Variants in SNTG1 observed in about 807,000 individuals in gnomAD.
SNTG1 encodes the protein gamma-1-syntrophin.
A neutral mutation model predicts 74.7 loss-of-function variants in SNTG1; 39 were observed. The ratio of observed to expected loss-of-function variants is 0.52; its 90% CI spans 0.40 to 0.68. SNTG1 has a LOEUF of 0.68. Among genes scored for constraint, SNTG1 ranks in the 30% least tolerant of loss-of-function variants. The probability of loss-of-function intolerance (pLI) is 0.00; values close to 1 mark genes in which losing one functional copy is unlikely to be tolerated. For synonymous variants in SNTG1, 254 were observed against 217.1 expected (o/e 1.17, Z -1.49); for missense variants, 685 against 609.5 (o/e 1.12, Z -1.30).
upstream of SNTG1, chr8:49,911,257 T>A (rs1451983201): frequency 6.6e-6 from 1 of 152,144 alleles, no homozygotes; most frequent in Non-Finnish European, 1.5e-5. Flanking sequence ...TTCCTTTTCA[T>A]CTTATGTAAT....
intron 2 of SNTG1, among the ~76,000 whole-genome samples, chr8:50,288,375 A>G (rs1159801577): frequency 1.3e-5 from 2 of 152,236 alleles, no homozygotes; most frequent in African/African-American, 4.8e-5. Flanking sequence ...ACGTTGATTT[A>G]CTGGTCTAAT....
chr8:50,052,834 A>G (rs1819690135), intron 1 of SNTG1, among the ~76,000 whole-genome samples: 1 of 152,144 alleles, frequency 6.6e-6, no homozygotes, highest in Admixed American at 6.6e-5. Context: ...ATTAATCATC[A>G]TTGAAATTAA....
intron 17 of SNTG1, 100 bp downstream of exon 17, chr8:50,709,078 C>A (rs564139984): frequency 1.2e-5 from 10 of 857,012 alleles, no homozygotes; most frequent in East Asian, 2.6e-5. Context: ...TAATTGTAAT[C>A]GTGTCAAATT....
intron 1 of SNTG1, among the ~76,000 whole-genome samples, chr8:50,077,922 T>C (rs1402226386): frequency 2.0e-5 from 3 of 152,312 alleles, no homozygotes; most frequent in East Asian, 3.9e-4. Context: ...TTGGTATTTT[T>C]ATGGTGTGAA....
intron 2 of SNTG1, among the ~76,000 whole-genome samples, chr8:50,184,527 G>T (rs2083315386): frequency 6.6e-6 from 1 of 152,168 alleles, no homozygotes; most frequent in Non-Finnish European, 1.5e-5. Context: ...GCTTCAGCCT[G>T]AAATGTCTGT....
chr8:50,337,176 C>A, intron 2 of SNTG1, among the ~76,000 whole-genome samples: 1 of 152,156 alleles, frequency 6.6e-6, no homozygotes, highest in East Asian at 1.9e-4. Context: ...AACAAGTGAA[C>A]AAACTGTATA....
At chr8:50,448,051 G>A (rs2093422149) in intron 5 of SNTG1, among the ~76,000 whole-genome samples, 1 of 152,074 alleles carries the variant, frequency 6.6e-6, no homozygotes, top group Non-Finnish European at 1.5e-5. Context: ...CAGGTCAGAG[G>A]CAGGGTCATC....
chr8:50,645,121 G>C (rs2095099539), intron 13 of SNTG1, among the ~76,000 whole-genome samples: 1 of 59,548 alleles, frequency 1.7e-5, no homozygotes, highest in South Asian at 4.6e-4. Context: ...TCAGAAAAAT[G>C]TTCTTTTTAA....
chr8:50,457,973 T>C (rs1222085000), intron 8 of SNTG1: 4 of 152,202 alleles, frequency 2.6e-5, no homozygotes, highest in Non-Finnish European at 2.9e-5. Flanking sequence ...TCTTTTTTAG[T>C]GAAATTGATC....
At chr8:50,720,470 C>A (rs907244930) in intron 17 of SNTG1, among the ~76,000 whole-genome samples, 1 of 152,104 alleles carries the variant, frequency 6.6e-6, no homozygotes, top group African/African-American at 2.4e-5. Flanking sequence ...AGTATAACAA[C>A]AGATGCAGTC....
intron 15 of SNTG1, among the ~76,000 whole-genome samples, chr8:50,665,010 T>C (rs1413710520): frequency 6.6e-6 from 1 of 152,198 alleles, no homozygotes; most frequent in East Asian, 1.9e-4. Flanking sequence ...AACAAGTCTT[T>C]GGATGACAGA....
At chr8:50,065,427 C>T (rs1441748073) in intron 1 of SNTG1, among the ~76,000 whole-genome samples, 4 of 152,012 alleles carry the variant, frequency 2.6e-5, no homozygotes, top group South Asian at 2.1e-4. Context: ...TAAATAAAAT[C>T]GCATTTTAAT....
intron 1 of SNTG1, among the ~76,000 whole-genome samples, chr8:50,138,499 C>A (rs2081549996): frequency 6.6e-6 from 1 of 151,630 alleles, no homozygotes; most frequent in Non-Finnish European, 1.5e-5. Flanking sequence ...GTGGCACACC[C>A]CTGTAATCCC....
chr8:49,936,985 G>C (rs1808140861), intron 1 of SNTG1, among the ~76,000 whole-genome samples: 1 of 151,970 alleles, frequency 6.6e-6, no homozygotes, highest in Non-Finnish European at 1.5e-5. Context: ...CCCGTCTGTA[G>C]TAAAAATACA....
chr8:50,746,418 A>G (rs1265125373), intron 17 of SNTG1, among the ~76,000 whole-genome samples: 1 of 151,984 alleles, frequency 6.6e-6, no homozygotes, highest in Non-Finnish European at 1.5e-5. Context: ...TTTTTGATTC[A>G]AAGAAAATCT....
At chr8:50,258,318 C>G (rs1239723717) in intron 2 of SNTG1, among the ~76,000 whole-genome samples, 1 of 152,184 alleles carries the variant, frequency 6.6e-6, no homozygotes, top group Non-Finnish European at 1.5e-5. Context: ...CTGAAATATG[C>G]TATTTTAATG....
chr8:50,501,623 T>A (rs1197521622), intron 8 of SNTG1, among the ~76,000 whole-genome samples: 27 of 150,162 alleles, frequency 1.8e-4, no homozygotes, highest in Non-Finnish European at 3.3e-4. Context: ...TTTTTTTTTT[T>A]TTTTTTGTAT....
chr8:50,137,169 A>C (rs1293339907), intron 1 of SNTG1, among the ~76,000 whole-genome samples: 1 of 152,196 alleles, frequency 6.6e-6, no homozygotes, highest in Non-Finnish European at 1.5e-5. Context: ...ACATCCTCCC[A>C]TGCAGTGTGA....
At chr8:50,535,146 A>C (rs1219877888) in intron 10 of SNTG1, among the ~76,000 whole-genome samples, 2 of 152,132 alleles carry the variant, frequency 1.3e-5, no homozygotes, top group African/African-American at 2.4e-5. Flanking sequence ...GATTATAAGA[A>C]ATTTTTTATT....
Sources: gnomAD v4.1 joint callset for allele counts (sites outside exome capture counted in the v4.1 genomes callset) on GRCh38, gnomAD v4.1.1 for gene constraint, MANE v1.5 for transcripts, NCBI Gene and HGNC (gene_info 2026-07-23, HGNC 2026-07-21) for gene names.